Variants in SLC15A5 observed in about 807,000 individuals in gnomAD.
SLC15A5 encodes solute carrier family 15 member 5, also known as Peptide/histidine transporter ENSP00000340402.
Under a neutral mutation model 56.1 loss-of-function variants are expected in SLC15A5, and 58 were observed. The observed-to-expected ratio is 1.03, with a 90% confidence interval of 0.84 to 1.29. The LOEUF is 1.29. Among genes scored for constraint, SLC15A5 ranks in the 50% most tolerant of loss-of-function variants. The pLI is 0.00. For synonymous variants in SLC15A5, 264 were observed against 250.5 expected (o/e 1.05, Z -0.51); for missense variants, 681 against 672.1 (o/e 1.01, Z -0.15).
intron 2 of SLC15A5, among the ~76,000 whole-genome samples, chr12:16,264,710 C>T (rs1200095085): frequency 6.6e-6 from 1 of 152,130 alleles, no homozygotes; most frequent in Non-Finnish European, 1.5e-5. Flanking sequence ...CCATGCTGTT[C>T]TCGTGATAGT....
At chr12:16,265,278 G>A (rs1488790268) in intron 2 of SLC15A5, among the ~76,000 whole-genome samples, 3 of 152,124 alleles carry the variant, frequency 2.0e-5, no homozygotes, top group African/African-American at 7.2e-5. Flanking sequence ...AGAGATAGAA[G>A]TGGATAGATA....
chr12:16,219,420 A>G (rs181065298), intron 6 of SLC15A5, among the ~76,000 whole-genome samples: 8 of 152,244 alleles, frequency 5.3e-5, no homozygotes, highest in Non-Finnish European at 1.2e-4. Flanking sequence ...TTTCCTTTCC[A>G]TAAGTACAAG....
chr12:16,200,551 T>A (rs778372021), intron 7 of SLC15A5, among the ~76,000 whole-genome samples: 10 of 152,060 alleles, frequency 6.6e-5, no homozygotes, highest in Admixed American at 1.3e-4. Flanking sequence ...CATTGTTTAG[T>A]ATGAAGAAAG....
chr12:16,264,983 A>G (rs1413004838), intron 2 of SLC15A5, among the ~76,000 whole-genome samples: 1 of 152,212 alleles, frequency 6.6e-6, no homozygotes, highest in East Asian at 1.9e-4. Flanking sequence ...AGAAGAAAAG[A>G]TAAACCAGGA....
At chr12:16,198,971 A>G (rs1259854890) in intron 7 of SLC15A5, among the ~76,000 whole-genome samples, 1 of 152,006 alleles carries the variant, frequency 6.6e-6, no homozygotes, top group East Asian at 1.9e-4. Flanking sequence ...TCATTAGATA[A>G]TGCTCCTCAC....
At chr12:16,222,104 C>T (rs1056261448) in intron 6 of SLC15A5, among the ~76,000 whole-genome samples, 1 of 152,108 alleles carries the variant, frequency 6.6e-6, no homozygotes, top group Admixed American at 6.5e-5. Context: ...GTAATGATAA[C>T]AACACATTAT....
chr12:16,217,960 T>G (rs1169162592), intron 6 of SLC15A5, among the ~76,000 whole-genome samples: 1 of 152,114 alleles, frequency 6.6e-6, no homozygotes, highest in Non-Finnish European at 1.5e-5. Flanking sequence ...CAGAAATAGA[T>G]GAAAATAAGT....
chr12:16,272,738 T>C lies in SLC15A5; in HGVS notation c.407A>G (p.Tyr136Cys), dbSNP rs377556017. 1.3e-6 allele frequency: 2 copies of C among 1,536,928 alleles called. No individual in the cohort carries two copies. The highest frequency in any genetic ancestry group is 3.9e-5 in the Admixed American group (2 of 50,948). The change falls in exon 2 of 9, where the codon TAT (tyrosine) becomes TGT (cysteine). Residue 136 changes from tyrosine (Y) to cysteine (C), a missense_variant. Coordinates refer to ENST00000344941, the MANE Select transcript of SLC15A5 (RefSeq NM_001170798.1). ...GTTAACTGCATGGTAAGTGCCCAGA[T>C]AGAAATCTTCCAAGGGAAAAGCCAC... ...SVVAFPLEDFYLGTYHAVNNI... is the reference protein window; with the variant it reads ...SVVAFPLEDFCLGTYHAVNNI...
Position 16,196,647 on chromosome 12 carries a change from C to T in SLC15A5, c.1484-2194G>A, listed in dbSNP as rs1863897003. On this transcript the variant is annotated intron_variant, in intron 7 of 8. Coordinates refer to ENST00000344941, the MANE Select transcript of SLC15A5 (RefSeq NM_001170798.1). This position sits in a 1 kb window ranked among gnomAD's most constrained non-coding sequence, Gnocchi z 4.0. ...ATGTCATGCGATTATACCTTTTTAT[C>T]ACCATGTTTCTCTGACTAGTGTAAG... 6.6e-6 allele frequency among the ~76,000 whole-genome samples: 1 copy of T among 152,018 alleles called. No individual in the cohort carries two copies. Among genetic ancestry groups the T allele is most frequent in the South Asian group, 2.1e-4 (1 of 4,816 alleles).
chr12:16,223,570 T>C (rs1336420165), intron 6 of SLC15A5, among the ~76,000 whole-genome samples: 1 of 152,220 alleles, frequency 6.6e-6, no homozygotes, highest in Non-Finnish European at 1.5e-5. Context: ...TGAACCTGTC[T>C]TATGAAACAT....
In SLC15A5 at chr12:16,243,881, TGAGTCTTCTA is replaced by T. The variant is rs1223384373; in HGVS notation, c.975+689_975+698del. 4.6e-5 allele frequency among the ~76,000 whole-genome samples: 7 copies of T among 152,246 alleles called. No homozygotes were observed. The highest frequency in any genetic ancestry group is 1.7e-4 in the African/African-American group (7 of 41,460). ...ATGATTTCTAAATGTAACTCATTCA[TGAGTCTTCTA>T]AATTCCAAGTTGGGAGTTAGCAATG... On this transcript the variant is annotated intron_variant, in intron 4 of 8. Transcript: ENST00000344941. The surrounding 1 kb of genome is among the most constrained non-coding windows in gnomAD (Gnocchi z 4.4).
chr12:16,192,486 T>G (rs1863846653), intron 8 of SLC15A5, among the ~76,000 whole-genome samples: 1 of 152,100 alleles, frequency 6.6e-6, no homozygotes. Flanking sequence ...ATTTCTCACT[T>G]CTTTACAGGA....
rs117250613 is a variant in SLC15A5, at chr12:16,244,974, G to T, written c.755-174C>A. ...CTTCTGACAGTGATTCTGGCATCCTGATGACCAGCCCATGGTGGCACCTAG... is the reference window on the plus strand; with the variant it reads ...CTTCTGACAGTGATTCTGGCATCCTTATGACCAGCCCATGGTGGCACCTAG... On this transcript the variant is annotated intron_variant, in intron 3 of 8. Coordinates refer to ENST00000344941, the MANE Select transcript of SLC15A5 (RefSeq NM_001170798.1). Among the ~76,000 whole-genome samples the T allele has an allele frequency of 2.4e-3, 363 of 152,324 alleles. 9 individuals are homozygous for T. The East Asian group carries it at 0.03, about 12-fold the overall frequency.
At chr12:16,189,954 A>C in intron 8 of SLC15A5, 139 bp from the exon 9 acceptor site, 1 of 601,742 alleles carries the variant, frequency 1.7e-6, no homozygotes, top group Non-Finnish European at 2.6e-6. Context: ...ATTTAAGAGC[A>C]CTGCTCACCA....
intron 2 of SLC15A5, among the ~76,000 whole-genome samples, chr12:16,259,397 C>G (rs1383458550): frequency 5.3e-5 from 8 of 151,296 alleles, no homozygotes; most frequent in South Asian, 2.1e-4. Context: ...TTCTTTCCTT[C>G]CTTCGTCCCT....
intron 3 of SLC15A5, among the ~76,000 whole-genome samples, chr12:16,247,713 G>C (rs1336304105): frequency 1.3e-5 from 2 of 152,120 alleles, no homozygotes; most frequent in Non-Finnish European, 2.9e-5. Flanking sequence ...ATAGGCAGGA[G>C]CTCAGTTAGA....
rs1864728157 is a variant in SLC15A5 at position 16,269,454 on chromosome 12, A to C, written c.584+3107T>G. The stretch of plus-strand genomic sequence containing the variant: ...TTGTACTTTTTAAAAAAGAATCCTC[A>C]GGTGGCTTTAATATGCACCTAGGAT... On this transcript the variant is annotated intron_variant, in intron 2 of 8. Transcript: ENST00000344941. The surrounding 1 kb of genome is among the most constrained non-coding windows in gnomAD (Gnocchi z 4.7). 1.3e-5 allele frequency among the ~76,000 whole-genome samples: 2 copies of C among 152,212 alleles called. No individual in the cohort carries two copies. The highest frequency in any genetic ancestry group is 1.3e-4 in the Admixed American group (2 of 15,274).
chr12:16,270,889 A>G (rs983029833), intron 2 of SLC15A5, among the ~76,000 whole-genome samples: 16 of 152,174 alleles, frequency 1.1e-4, no homozygotes, highest in Admixed American at 6.5e-5. Flanking sequence ...AAACTGGAAA[A>G]ATAAAAAAAG....
At chr12:16,199,544 G>A (rs561371731) in intron 7 of SLC15A5, among the ~76,000 whole-genome samples, 14 of 152,084 alleles carry the variant, frequency 9.2e-5, no homozygotes, top group South Asian at 2.1e-4. Context: ...TCATCCTTCC[G>A]TATCACTACT....
Sources: allele counts gnomAD v4.1 joint callset (sites outside exome capture counted in the v4.1 genomes callset), GRCh38; gene constraint gnomAD v4.1.1; non-coding constraint Gnocchi (gnomAD v3.1); transcripts MANE v1.5; gene names NCBI Gene and HGNC (gene_info 2026-07-23, HGNC 2026-07-21).